Variants in FAT3 observed in about 807,000 individuals in gnomAD.
The protein encoded by FAT3 is protocadherin Fat 3.
Under a neutral mutation model 310.2 loss-of-function variants are expected in FAT3, and 95 were observed. The ratio of observed to expected loss-of-function variants is 0.31; its 90% CI spans 0.26 to 0.36. The LOEUF (loss-of-function observed/expected upper bound fraction) is 0.36, where lower values mean the gene tolerates loss of function less well. Ranked by LOEUF, FAT3 falls within the 10% of genes least tolerant of loss-of-function variation. The pLI is 1.00. For missense variants in FAT3, 5,408 were observed against 5,715.6 expected (o/e 0.95, Z 1.74); for synonymous variants, 2,314 against 2,192.9 (o/e 1.06, Z -1.54).
chr11:92,576,322 A>T (rs1938483843), intron 3 of FAT3, among the ~76,000 whole-genome samples: 1 of 152,140 alleles, frequency 6.6e-6, no homozygotes, highest in African/African-American at 2.4e-5. Context: ...CCTTAACATG[A>T]CCTTGACTGT....
intron 1 of FAT3, among the ~76,000 whole-genome samples, chr11:92,264,995 G>GA (rs1216370222): frequency 6.6e-6 from 1 of 151,812 alleles, no homozygotes; most frequent in Admixed American, 6.6e-5. Flanking sequence ...TATTCTGTTG[G>GA]GGGTTTTTTA....
intron 3 of FAT3, among the ~76,000 whole-genome samples, chr11:92,572,494 G>A (rs904673357): frequency 6.6e-6 from 1 of 152,136 alleles, no homozygotes; most frequent in Non-Finnish European, 1.5e-5. Context: ...GCTAGAGTAG[G>A]TTTTTAATAT....
chr11:92,840,518 G>A (rs1236180093), intron 17 of FAT3, 44 bp from the exon 18 acceptor site: 2 of 1,456,190 alleles, frequency 1.4e-6, no homozygotes, highest in Non-Finnish European at 1.9e-6. Context: ...GTGAAGAGAA[G>A]TGTAATTTTT....
chr11:92,665,192 T>C (rs370161112), intron 3 of FAT3, among the ~76,000 whole-genome samples: 3 of 152,166 alleles, frequency 2.0e-5, no homozygotes, highest in African/African-American at 7.2e-5. Context: ...CTTCAGAACC[T>C]CCCACAAATG....
intron 1 of FAT3, among the ~76,000 whole-genome samples, chr11:92,314,085 T>A (rs1947375359): frequency 6.6e-6 from 1 of 152,232 alleles, no homozygotes; most frequent in African/African-American, 2.4e-5. Context: ...ATTTTTTCAA[T>A]GACTCTATAG....
At chr11:92,613,424 A>C (rs1940660713) in intron 3 of FAT3, among the ~76,000 whole-genome samples, 1 of 152,250 alleles carries the variant, frequency 6.6e-6, no homozygotes, top group South Asian at 2.1e-4. Context: ...GTTTAAAAAT[A>C]ACACAATTAG....
chr11:92,584,284 T>C (rs1198801007), intron 3 of FAT3, among the ~76,000 whole-genome samples: 4 of 151,996 alleles, frequency 2.6e-5, no homozygotes, highest in African/African-American at 4.8e-5. Context: ...GGCAATAACA[T>C]TGGTGACTGT....
chr11:92,563,469 A>G (rs1431954371), intron 3 of FAT3, among the ~76,000 whole-genome samples: 3 of 152,170 alleles, frequency 2.0e-5, no homozygotes, highest in Non-Finnish European at 4.4e-5. Flanking sequence ...TTATTCAAAT[A>G]TATTATTGTA....
intron 1 of FAT3, among the ~76,000 whole-genome samples, chr11:92,340,188 CT>C (rs1948210207): frequency 6.8e-6 from 1 of 146,772 alleles, no homozygotes; most frequent in Non-Finnish European, 1.5e-5. Context: ...CAGTTTTGGT[CT>C]TTATTATCCT....
intron 4 of FAT3, among the ~76,000 whole-genome samples, chr11:92,746,459 G>C (rs1449947678): frequency 6.6e-6 from 1 of 152,204 alleles, no homozygotes; most frequent in Non-Finnish European, 1.5e-5. Flanking sequence ...CCGTTGATAT[G>C]TGGGGATTAT....
intron 3 of FAT3, among the ~76,000 whole-genome samples, chr11:92,693,167 T>A (rs1334380633): frequency 6.6e-6 from 1 of 152,184 alleles, no homozygotes; most frequent in Non-Finnish European, 1.5e-5. Flanking sequence ...CCCACCTCCT[T>A]ATTGAGTATC....
intron 21 of FAT3, among the ~76,000 whole-genome samples, chr11:92,862,162 G>A (rs1354885581): frequency 6.6e-6 from 1 of 152,190 alleles, no homozygotes; most frequent in African/African-American, 2.4e-5. Context: ...GTTGGGTAGA[G>A]TAGAATATCA....
intron 2 of FAT3, among the ~76,000 whole-genome samples, chr11:92,446,745 C>G (rs1565323854): frequency 6.6e-6 from 1 of 152,054 alleles, no homozygotes; most frequent in Non-Finnish European, 1.5e-5. Context: ...GTAATCCCAC[C>G]CTAATGGAAA....
chr11:92,478,088 G>A (rs1468816776), intron 2 of FAT3, among the ~76,000 whole-genome samples: 1 of 152,182 alleles, frequency 6.6e-6, no homozygotes, highest in African/African-American at 2.4e-5. Flanking sequence ...CTAGCTATAG[G>A]TTAAACACTG....
At position 92,353,857 on chromosome 11, in the gene FAT3, C is replaced by T. The variant is rs1948643295; in HGVS notation, c.1745C>T (p.Ala582Val). ...NDNSPLFEKV[A>V]CQGVISYDFP... ...AACAGCCCTCTCTTTGAAAAAGTGG[C>T]TTGCCAGGGAGTTATTTCATATGAC... Residue 582 changes from alanine (A) to valine (V), a missense_variant, in exon 2 of 28, where the codon GCT becomes GTT. Physicochemically the swap from Ala to Val is moderately conservative, Grantham distance 64 (BLOSUM62 0). Coordinates refer to ENST00000525166, the MANE Select transcript of FAT3 (RefSeq NM_001367949.2). 6.2e-6 allele frequency: 10 copies of T among 1,613,638 alleles called. No individual in the cohort carries two copies. The East Asian group carries it at 2.2e-4, about 36-fold the overall frequency.
At chr11:92,703,570 C>T (rs988944272) in intron 4 of FAT3, among the ~76,000 whole-genome samples, 2 of 152,230 alleles carry the variant, frequency 1.3e-5, no homozygotes, top group Non-Finnish European at 2.9e-5. Context: ...GGAGGCACCA[C>T]ACACAATTAA....
chr11:92,418,878 C>A (rs1431445577), intron 2 of FAT3, among the ~76,000 whole-genome samples: 1 of 152,158 alleles, frequency 6.6e-6, no homozygotes, highest in Non-Finnish European at 1.5e-5. Context: ...ACAATGCTTG[C>A]AGTCTTTCCA....
At chr11:92,587,280 AT>A (rs778745287) in intron 3 of FAT3, among the ~76,000 whole-genome samples, 15 of 152,020 alleles carry the variant, frequency 9.9e-5, no homozygotes, top group Non-Finnish European at 1.8e-4. Context: ...GTGAAATTTC[AT>A]TACAGTAGAT....
chr11:92,453,952 T>TA (rs2135078770), intron 2 of FAT3, among the ~76,000 whole-genome samples: 1 of 152,326 alleles, frequency 6.6e-6, no homozygotes, highest in South Asian at 2.1e-4. Context: ...GAAACACATT[T>TA]AGATATACAT....
Sources: gnomAD v4.1 joint callset for allele counts (sites outside exome capture counted in the v4.1 genomes callset) on GRCh38, gnomAD v4.1.1 for gene constraint, MANE v1.5 for transcripts, NCBI Gene and HGNC (gene_info 2026-07-23, HGNC 2026-07-21) for gene names.